ADAMTS12: variants seen among roughly 807,000 people sequenced by gnomAD.
The protein encoded by ADAMTS12 is A disintegrin and metalloproteinase with thrombospondin motifs 12.
A neutral mutation model predicts 167.8 loss-of-function variants in ADAMTS12; 118 were observed. That is an observed-to-expected ratio of 0.70 (90% confidence interval 0.61 to 0.82). The LOEUF is 0.82. Among genes scored for constraint, ADAMTS12 ranks in the 40% least tolerant of loss-of-function variants. The pLI is 0.00. For synonymous variants in ADAMTS12, 704 were observed against 716.9 expected, an observed-to-expected ratio of 0.98 and a Z score of 0.29; for missense variants, 1,916 against 1,998.8, an observed-to-expected ratio of 0.96 and a Z score of 0.79.
chr5:33,567,021 C>T (rs1201091861), intron 19 of ADAMTS12, among the ~76,000 whole-genome samples: 2 of 152,216 alleles, frequency 1.3e-5, no homozygotes, highest in Non-Finnish European at 2.9e-5. Context: ...AGACTGGAAT[C>T]ATCACCTTGT....
intron 2 of ADAMTS12, among the ~76,000 whole-genome samples, chr5:33,867,704 T>A (rs1027212131): frequency 8.5e-5 from 13 of 152,226 alleles, no homozygotes; most frequent in African/African-American, 2.7e-4. Flanking sequence ...TGTACTGTTA[T>A]ATATATGTCC....
At chr5:33,843,689 G>A (rs1311272284) in intron 2 of ADAMTS12, among the ~76,000 whole-genome samples, 1 of 152,176 alleles carries the variant, frequency 6.6e-6, no homozygotes, top group Non-Finnish European at 1.5e-5. Flanking sequence ...CAGAGGATAT[G>A]TTCCAAGACC....
chr5:33,757,775 T>C (rs762837962), intron 2 of ADAMTS12, among the ~76,000 whole-genome samples: 32 of 152,356 alleles, frequency 2.1e-4, no homozygotes, highest in South Asian at 1.0e-3. Context: ...TTGTCTCATC[T>C]GTAAGATGGG....
intron 18 of ADAMTS12, among the ~76,000 whole-genome samples, chr5:33,577,412 C>T (rs926431273): frequency 6.6e-6 from 1 of 152,182 alleles, no homozygotes; most frequent in East Asian, 1.9e-4. Flanking sequence ...AGTCAAACTG[C>T]AGTCCCTTTG....
At chr5:33,626,445 A>AC (rs1739612112) in intron 13 of ADAMTS12, among the ~76,000 whole-genome samples, 2 of 145,588 alleles carry the variant, frequency 1.4e-5, no homozygotes, top group African/African-American at 2.6e-5. Context: ...GATGGTAGTG[A>AC]TTTGATGGTA....
chr5:33,533,955 G>A (rs1307134253), intron 23 of ADAMTS12, among the ~76,000 whole-genome samples: 1 of 152,060 alleles, frequency 6.6e-6, no homozygotes, highest in Non-Finnish European at 1.5e-5. Flanking sequence ...CAGCACAAAG[G>A]GCTATCAAAT....
intron 3 of ADAMTS12, among the ~76,000 whole-genome samples, chr5:33,745,845 A>G (rs543838879): frequency 3.9e-5 from 6 of 152,134 alleles, no homozygotes; most frequent in Non-Finnish European, 5.9e-5. Context: ...TATTAAGCAA[A>G]CAAAACTAAT....
chr5:33,574,754 T>C (rs915824537), intron 19 of ADAMTS12, among the ~76,000 whole-genome samples: 2 of 151,776 alleles, frequency 1.3e-5, no homozygotes, highest in Admixed American at 6.6e-5. Flanking sequence ...ATAATAATAA[T>C]AGAAAAAATG....
intron 2 of ADAMTS12, among the ~76,000 whole-genome samples, chr5:33,864,659 T>TA (rs1240539823): frequency 6.6e-6 from 1 of 151,870 alleles, no homozygotes; most frequent in Admixed American, 6.6e-5. Flanking sequence ...AATGCAGCCA[T>TA]AAAAAAAGGA....
chr5:33,760,354 T>C (rs1745304221), intron 2 of ADAMTS12, among the ~76,000 whole-genome samples: 1 of 149,462 alleles, frequency 6.7e-6, no homozygotes, highest in Non-Finnish European at 1.5e-5. Flanking sequence ...CTTGGCAGAC[T>C]AGGACGATAA....
chr5:33,694,405 A>G (rs1215936480), intron 3 of ADAMTS12, among the ~76,000 whole-genome samples: 1 of 152,220 alleles, frequency 6.6e-6, no homozygotes, highest in Non-Finnish European at 1.5e-5. Flanking sequence ...TTGAGTTTTC[A>G]TTGATTTCTT....
intron 3 of ADAMTS12, among the ~76,000 whole-genome samples, chr5:33,750,997 T>C (rs1454469377): frequency 1.3e-5 from 2 of 152,234 alleles, no homozygotes; most frequent in African/African-American, 2.4e-5. Flanking sequence ...ATGAGCTGTC[T>C]GGTAATATTC....
At chr5:33,822,577 T>A (rs1374019) in intron 2 of ADAMTS12, among the ~76,000 whole-genome samples, 98,933 of 152,026 alleles carry the variant, frequency 0.65, 32,493 homozygotes, top group African/African-American at 0.73. Context: ...AAATGGCTGG[T>A]GGGTTGCAGC....
intron 13 of ADAMTS12, among the ~76,000 whole-genome samples, chr5:33,627,938 G>A (rs1281934759): frequency 7.5e-6 from 1 of 134,150 alleles, no homozygotes; most frequent in Non-Finnish European, 1.6e-5. Context: ...TGAAGACATT[G>A]ACTTTGTAAG....
intron 2 of ADAMTS12, among the ~76,000 whole-genome samples, chr5:33,779,485 C>T (rs1746042425): frequency 6.6e-6 from 1 of 152,142 alleles, no homozygotes; most frequent in African/African-American, 2.4e-5. Flanking sequence ...CGCATTTGGC[C>T]TGAAATTGCT....
intron 18 of ADAMTS12, among the ~76,000 whole-genome samples, chr5:33,585,160 A>G (rs1715569600): frequency 6.6e-6 from 1 of 152,092 alleles, no homozygotes; most frequent in South Asian, 2.1e-4. Context: ...AATCTCATAT[A>G]ATTTTGGCAA....
intron 3 of ADAMTS12, among the ~76,000 whole-genome samples, chr5:33,745,734 T>C (rs2112380518): frequency 6.6e-6 from 1 of 150,426 alleles, no homozygotes; most frequent in Non-Finnish European, 1.5e-5. Flanking sequence ...GGCTGGTTAA[T>C]GAAAAAAGGC....
intron 20 of ADAMTS12, among the ~76,000 whole-genome samples, chr5:33,554,732 T>C (rs900757993): frequency 6.6e-6 from 1 of 152,204 alleles, no homozygotes; most frequent in African/African-American, 2.4e-5. Flanking sequence ...ATTTCATTCA[T>C]TTGTAAAAAT....
chr5:33,549,218 G>A lies in ADAMTS12; in HGVS notation c.4291C>T (p.Pro1431Ser). The stretch of plus-strand genomic sequence containing the variant: ...TGTGGGGGACCTACCTGGCTCCAAG[G>A]CTCCACCTGCCACGCCTCACAGGGC... The part of the protein sequence containing the change: ...PEPCEAWQVE[P>S]WSQCSRSCGG... Residue 1431 changes from proline to serine, a missense_variant, in exon 21 of 24, where the codon CCT becomes TCT. By Grantham distance (74) the Pro-to-Ser change is moderately conservative (BLOSUM62 -1). Transcript: ENST00000504830. 1 of 1,613,404 alleles carries A rather than the reference G, an allele frequency of 6.2e-7. No individual in the cohort carries two copies. The highest frequency in any genetic ancestry group is 8.5e-7 in the Non-Finnish European group (1 of 1,179,376).
Sources: allele counts gnomAD v4.1 joint callset (sites outside exome capture counted in the v4.1 genomes callset), GRCh38; gene constraint gnomAD v4.1.1; transcripts MANE v1.5; gene names NCBI Gene and HGNC (gene_info 2026-07-23, HGNC 2026-07-21).